Variants in REG4 observed in about 807,000 individuals in gnomAD.
REG4 encodes the protein regenerating family member 4.
Under a neutral mutation model 22.3 loss-of-function variants are expected in REG4, and 16 were observed. The observed-to-expected ratio is 0.72, with a 90% confidence interval of 0.49 to 1.09. The LOEUF (loss-of-function observed/expected upper bound fraction) is 1.09, where lower values mean the gene tolerates loss of function less well. REG4 is among the 50% of genes least tolerant of loss of function. The probability of loss-of-function intolerance (pLI) is 0.00; values close to 1 mark genes in which losing one functional copy is unlikely to be tolerated. For missense variants in REG4, 214 were observed against 193.9 expected, an observed-to-expected ratio of 1.10 and a Z score of -0.61; for synonymous variants, 71 against 69.2, an observed-to-expected ratio of 1.03 and a Z score of -0.13.
chr1:119,803,654 A>G (rs1043600867), intron 2 of REG4, among the ~76,000 whole-genome samples: 1 of 152,250 alleles, frequency 6.6e-6, no homozygotes, highest in Non-Finnish European at 1.5e-5. Context: ...ATCTTGTATT[A>G]GCAGTGAAGG....
chr1:119,799,980 T>C (rs1264606727), intron 3 of REG4, 118 bp from the exon 4 acceptor site: 1 of 1,314,638 alleles, frequency 7.6e-7, no homozygotes, highest in African/African-American at 1.5e-5. Flanking sequence ...CCTCCACACA[T>C]CGTGCTCTAA....
chr1:119,806,138 C>T (rs1323598322), intron 2 of REG4, among the ~76,000 whole-genome samples: 4 of 152,034 alleles, frequency 2.6e-5, no homozygotes, highest in South Asian at 2.1e-4. Flanking sequence ...GACAGAGTTT[C>T]GCCACATTGC....
intron 2 of REG4, among the ~76,000 whole-genome samples, chr1:119,808,433 C>T (rs770029480): frequency 3.6e-4 from 55 of 152,326 alleles, no homozygotes; most frequent in Non-Finnish European, 6.6e-4. Context: ...AACACATTAT[C>T]TCTGCCCTTC....
At chr1:119,798,005 T>G (rs762209615) in intron 5 of REG4, among the ~76,000 whole-genome samples, 2 of 152,070 alleles carry the variant, frequency 1.3e-5, no homozygotes, top group African/African-American at 4.8e-5. Context: ...GCGCTGAGCT[T>G]CAGGCCACCA....
intron 5 of REG4, among the ~76,000 whole-genome samples, chr1:119,796,444 C>A (rs1397140749): frequency 5.3e-5 from 8 of 151,886 alleles, no homozygotes; most frequent in Non-Finnish European, 1.2e-4. Context: ...GAGGGACACA[C>A]AAAATAAAAT....
At chr1:119,802,835 T>C (rs970588432) in intron 3 of REG4, 24 of 1,539,060 alleles carry the variant, frequency 1.6e-5, no homozygotes, top group Non-Finnish European at 2.0e-5. Context: ...TTCCTATGTA[T>C]CCGTATGTGC....
intron 2 of REG4, 68 bp from the exon 3 acceptor site, chr1:119,803,233 G>A: frequency 6.9e-7 from 1 of 1,447,294 alleles, no homozygotes; most frequent in Non-Finnish European, 9.1e-7. Flanking sequence ...ACTTGATACA[G>A]TTTGCAATCA....
At chr1:119,796,239 T>A (rs1034831902) in intron 5 of REG4, among the ~76,000 whole-genome samples, 4 of 152,160 alleles carry the variant, frequency 2.6e-5, no homozygotes, top group African/African-American at 9.7e-5. Context: ...CCCTGGGCAT[T>A]CAGAATGCAG....
intron 3 of REG4, 67 bp downstream of exon 3, chr1:119,803,001 A>G (rs1330494750): frequency 1.9e-6 from 3 of 1,604,430 alleles, no homozygotes; most frequent in Non-Finnish European, 2.6e-6. Flanking sequence ...GAATCAAATG[A>G]GATCTGGGGC....
intron 4 of REG4, among the ~76,000 whole-genome samples, chr1:119,799,404 G>A (rs1039140776): frequency 8.2e-5 from 7 of 85,868 alleles, no homozygotes; most frequent in African/African-American, 3.5e-4. Flanking sequence ...ATAGGCCTGT[G>A]TGCGTACACA....
Position 119,799,753 on chromosome 1 carries a change from A to G in REG4, c.275T>C (p.Ile92Thr), listed in dbSNP as rs769801763. The change falls in exon 4 of 6, where the codon ATA (isoleucine) becomes ACA (threonine). Residue 92 changes from isoleucine (I) to threonine (T), a missense_variant. Transcript: ENST00000256585. ...YISGYQRSQP[I>T]WIGLHDPQKR... ...CTGTGGGTCGTGCAGGCCAATCCATATCGGCTGGCTTCTCTGATAGCCACT... is the reference window on the plus strand; with the variant it reads ...CTGTGGGTCGTGCAGGCCAATCCATGTCGGCTGGCTTCTCTGATAGCCACT... 3.2e-5 allele frequency: 52 copies of G among 1,613,946 alleles called. No individual in the cohort carries two copies. Among genetic ancestry groups the G allele is most frequent in the Admixed American group, 2.2e-4 (13 of 60,000 alleles).
In REG4 at chr1:119,794,598, G is replaced by A; in HGVS notation, c.*20C>T. 1 of 1,607,942 alleles carries A rather than the reference G, an allele frequency of 6.2e-7. No homozygotes were observed. The highest frequency in any genetic ancestry group is 8.5e-7 in the Non-Finnish European group (1 of 1,174,272). ...AGAGGACGGGGCTGTGCAGGAGTTA[G>A]CAGAATCTTGATTCTTGCTCTATGG... On this transcript the variant is annotated 3_prime_UTR_variant, in exon 6 of 6. Coordinates refer to ENST00000256585, the MANE Select transcript of REG4 (RefSeq NM_032044.4).
intron 1 of REG4, among the ~76,000 whole-genome samples, chr1:119,810,822 G>A (rs1654472184): frequency 1.3e-5 from 2 of 152,184 alleles, no homozygotes; most frequent in African/African-American, 4.8e-5. Context: ...AGAGGCTGAG[G>A]CAGGTGGATC....
At chr1:119,800,792 G>T (rs1193668092) in intron 3 of REG4, among the ~76,000 whole-genome samples, 2 of 152,170 alleles carry the variant, frequency 1.3e-5, no homozygotes, top group Admixed American at 1.3e-4. Context: ...CTGCTGATTG[G>T]AGGTGAATAT....
chr1:119,810,377 T>C (rs1014456215), intron 1 of REG4, among the ~76,000 whole-genome samples: 1 of 152,196 alleles, frequency 6.6e-6, no homozygotes, highest in Admixed American at 6.5e-5. Context: ...AATCTGAATA[T>C]ACAATCTAAC....
At chr1:119,798,623 G>T in intron 4 of REG4, 21 bp from the exon 5 acceptor site, 1 of 1,603,424 alleles carries the variant, frequency 6.2e-7, no homozygotes. Context: ...AGGAGATGGA[G>T]AAGTGTACAG....
At chr1:119,802,991 G>C in intron 3 of REG4, 77 bp downstream of exon 3, 2 of 1,598,044 alleles carry the variant, frequency 1.3e-6, no homozygotes, top group Non-Finnish European at 1.7e-6. Context: ...ACTTGATCCT[G>C]AATCAAATGA....
chr1:119,797,549 C>T (rs1653968740), intron 5 of REG4, among the ~76,000 whole-genome samples: 1 of 152,212 alleles, frequency 6.6e-6, no homozygotes, highest in Non-Finnish European at 1.5e-5. Context: ...CAGGCCTGCT[C>T]CAGGCCGACT....
chr1:119,799,544 T>C (rs2793836), intron 4 of REG4, among the ~76,000 whole-genome samples, 181 bp downstream of exon 4: 75,546 of 152,046 alleles, frequency 0.5, 19,390 homozygotes, highest in Middle Eastern at 0.6. Flanking sequence ...TTAAATCATA[T>C]CCTCCACCGA....
Sources: allele counts gnomAD v4.1 joint callset (sites outside exome capture counted in the v4.1 genomes callset), GRCh38; gene constraint gnomAD v4.1.1; transcripts MANE v1.5; gene names NCBI Gene and HGNC (gene_info 2026-07-23, HGNC 2026-07-21).